Variants in AFG2A observed in about 807,000 individuals in gnomAD.
AFG2A encodes the protein AAA ATPase AFG2A, also known as ATPase family gene 2 protein homolog A.
At chr4:122,971,792 C>T in the AFG2A span, among the ~76,000 whole-genome samples, 1 of 152,036 alleles carries the variant, frequency 6.6e-6, no homozygotes. Context: ...GTCATATGAA[C>T]TCTTTATTCT....
chr4:123,237,536 G>A, the AFG2A span, among the ~76,000 whole-genome samples: 1 of 151,930 alleles, frequency 6.6e-6, no homozygotes. Context: ...AGCCAGGTGT[G>A]GTGGTGCCTG....
the AFG2A span, among the ~76,000 whole-genome samples, chr4:122,925,592 C>G: frequency 6.6e-6 from 1 of 152,180 alleles, no homozygotes. Flanking sequence ...TGAGAATTAT[C>G]TTTTTCTTCT....
chr4:123,004,941 G>A, the AFG2A span, among the ~76,000 whole-genome samples: 1 of 151,932 alleles, frequency 6.6e-6, no homozygotes, highest in South Asian at 2.1e-4. Flanking sequence ...GTGAATTTTG[G>A]TAGTTTATAT....
the AFG2A span, chr4:122,934,365 C>G: frequency 2.5e-6 from 4 of 1,614,030 alleles, no homozygotes; most frequent in Admixed American, 1.7e-5. Flanking sequence ...CAATTGATGA[C>G]AGAATTACAA....
chr4:122,947,182 T>A, the AFG2A span: 10 of 1,477,452 alleles, frequency 6.8e-6, no homozygotes, highest in Non-Finnish European at 9.0e-6. Flanking sequence ...CTCTCACTTT[T>A]TTTTTTCTAA....
the AFG2A span, among the ~76,000 whole-genome samples, chr4:123,272,087 G>A: frequency 1.3e-5 from 2 of 152,108 alleles, no homozygotes; most frequent in African/African-American, 2.4e-5. Context: ...TGCTTCCACT[G>A]ATCAGCAAAG....
the AFG2A span, chr4:123,090,555 T>C: frequency 6.2e-7 from 1 of 1,613,198 alleles, no homozygotes; most frequent in Non-Finnish European, 8.5e-7. Context: ...AAAGATATTT[T>C]TTAAACCGTA....
chr4:123,189,217 C>T, the AFG2A span, among the ~76,000 whole-genome samples: 3 of 152,162 alleles, frequency 2.0e-5, no homozygotes, highest in African/African-American at 4.8e-5. Context: ...CCCTGCTCTG[C>T]GGAATTCTCT....
the AFG2A span, among the ~76,000 whole-genome samples, chr4:122,996,016 A>G: frequency 6.6e-6 from 1 of 152,196 alleles, no homozygotes; most frequent in Non-Finnish European, 1.5e-5. Context: ...ATTACTTCAT[A>G]GTGTGATCTT....
chr4:123,117,416 G>A, the AFG2A span, among the ~76,000 whole-genome samples: 4 of 150,064 alleles, frequency 2.7e-5, no homozygotes, highest in African/African-American at 9.8e-5. Flanking sequence ...AGAGATTGAG[G>A]TTGAGGTTTT....
chr4:123,056,525 G>A, the AFG2A span: 9 of 1,149,090 alleles, frequency 7.8e-6, no homozygotes, highest in African/African-American at 1.6e-5. Flanking sequence ...TTAGGTAACA[G>A]ACTTTGGCAT....
At chr4:123,255,642 G>A in the AFG2A span, among the ~76,000 whole-genome samples, 2 of 150,016 alleles carry the variant, frequency 1.3e-5, no homozygotes, top group Admixed American at 6.6e-5. Context: ...GCACATTTTT[G>A]AAAAGAGAAT....
At chr4:123,015,261 A>G in the AFG2A span, among the ~76,000 whole-genome samples, 1 of 145,882 alleles carries the variant, frequency 6.9e-6, no homozygotes, top group Admixed American at 6.9e-5. Flanking sequence ...ATAGGACAAT[A>G]GTGGAGGGAG....
At chr4:123,015,664 A>C in the AFG2A span, among the ~76,000 whole-genome samples, 1 of 150,698 alleles carries the variant, frequency 6.6e-6, no homozygotes, top group African/African-American at 2.4e-5. Flanking sequence ...CAAAACCGCC[A>C]TTGTCATCAT....
chr4:123,105,971 TCTA>T, the AFG2A span, among the ~76,000 whole-genome samples: 1 of 152,192 alleles, frequency 6.6e-6, no homozygotes, highest in Non-Finnish European at 1.5e-5. Context: ...TAAAAGAAGT[TCTA>T]CTGTGGTTTA....
chr4:122,942,854 C>G, the AFG2A span, among the ~76,000 whole-genome samples: 3 of 151,196 alleles, frequency 2.0e-5, no homozygotes, highest in African/African-American at 7.3e-5. Flanking sequence ...TCGTTGGTTT[C>G]AAAGAACATC....
chr4:123,311,200 T>C, the AFG2A span, among the ~76,000 whole-genome samples: 3 of 152,224 alleles, frequency 2.0e-5, no homozygotes, highest in African/African-American at 7.2e-5. Flanking sequence ...TGTTGACATA[T>C]ACTAGAGGCC....
chr4:123,011,518 C>T, the AFG2A span, among the ~76,000 whole-genome samples: 19 of 152,236 alleles, frequency 1.2e-4, no homozygotes, highest in East Asian at 1.5e-3. Flanking sequence ...AGGGAGGGAC[C>T]GACGTGTTAA....
the AFG2A span, chr4:122,947,275 C>A: frequency 6.2e-7 from 1 of 1,610,474 alleles, no homozygotes; most frequent in South Asian, 1.1e-5. Context: ...GGCCACAAAT[C>A]GCCCTCATGC....
Sources: allele counts gnomAD v4.1 joint callset (sites outside exome capture counted in the v4.1 genomes callset), GRCh38; gene constraint gnomAD v4.1.1; transcripts MANE v1.5; gene names NCBI Gene and HGNC (gene_info 2026-07-23, HGNC 2026-07-21).